The following CYP4F3 variants were observed in gnomAD, a reference collection of about 807,000 sequenced individuals.
CYP4F3 encodes the protein cytochrome P450 family 4 subfamily F member 3.
Under a neutral mutation model 54.8 loss-of-function variants are expected in CYP4F3, and 50 were observed. That is an observed-to-expected ratio of 0.91 (90% CI 0.73 to 1.16). CYP4F3 has a LOEUF of 1.16. Among genes scored for constraint, CYP4F3 ranks in the 50% most tolerant of loss-of-function variants. The probability of loss-of-function intolerance (pLI) is 0.00; values close to 1 mark genes in which losing one functional copy is unlikely to be tolerated. For synonymous variants in CYP4F3, 244 were observed against 262.6 expected, an observed-to-expected ratio of 0.93 and a Z score of 0.69; for missense variants, 715 against 676.2, an observed-to-expected ratio of 1.06 and a Z score of -0.64.
At position 15,645,961 on chromosome 19, in the gene CYP4F3, T is replaced by C. The variant is rs1402989913; in HGVS notation, c.343+98T>C. 8 of 1,428,882 alleles carry C rather than the reference T, an allele frequency of 5.6e-6. No individual in the cohort carries two copies. The East Asian group carries it at 1.2e-4, about 22-fold the overall frequency. The allele number at this position is 1,428,882 out of a possible 1,614,324, so 88.5% of individuals were successfully genotyped here. ...CTGCCTCCAGCGGGTCGCGTGCCCA[T>C]GTGCAGACAGGAGGGGCTGTGGTGG... On this transcript the variant is annotated intron_variant, in intron 3 of 12. Coordinates refer to ENST00000221307, the MANE Select transcript of CYP4F3 (RefSeq NM_000896.3).
intron 5 of CYP4F3, among the ~76,000 whole-genome samples, chr19:15,648,917 G>A (rs1397743557): frequency 6.6e-6 from 1 of 152,156 alleles, no homozygotes; most frequent in East Asian, 1.9e-4. Context: ...TTGACTAATG[G>A]CACACAGAGC....
intron 2 of CYP4F3, among the ~76,000 whole-genome samples, chr19:15,644,674 T>A (rs1972573460): frequency 6.6e-6 from 1 of 152,222 alleles, no homozygotes; most frequent in African/African-American, 2.4e-5. Context: ...TTTTACCCCA[T>A]CCTGTAGTTT....
Position 15,647,324 on chromosome 19 carries a change from T to C in CYP4F3, c.525T>C (p.His175=), listed in dbSNP as rs143012550. 66 of 1,614,068 alleles carry C rather than the reference T, an allele frequency of 4.1e-5. No individual in the cohort carries two copies. Among genetic ancestry groups the C allele is most frequent in the Admixed American group, 5.0e-5 (3 of 60,010 alleles). The change falls in exon 5 of 13, where the codon CAT becomes CAC. Residue 175 remains histidine (H), a splice_region_variant and synonymous_variant. Coordinates refer to ENST00000221307, the MANE Select transcript of CYP4F3 (RefSeq NM_000896.3). ...KIFNESVNIM[H]AKWQLLASEG... is the part of the protein sequence containing the mutation. ...TCAATGAGAGTGTGAACATCATGCATGTGAGTTATTTGAAGCCAAGGTCCC... is the reference window on the plus strand; with the variant it reads ...TCAATGAGAGTGTGAACATCATGCACGTGAGTTATTTGAAGCCAAGGTCCC...
At position 15,662,270 on chromosome 19, in the gene CYP4F3, CTCAAAAAAAAAAA is replaced by C. The variant is rs1973197213; in HGVS notation, c.*2886_*2898del. The C allele has an allele frequency of 2.0e-5, 1 of 50,312 alleles. No homozygotes were observed. The highest frequency in any genetic ancestry group is 1.3e-3 in the East Asian group (1 of 758). 3.1% of individuals were successfully genotyped at this position (50,312 alleles called of 1,614,324 possible). A position where few individuals can be genotyped will look rare whatever the true frequency, so the allele number is the denominator to read the frequency against. ...TGGGTGAAAGAGCTAGATTCTCTCT[CTCAAAAAAAAAAA>C]AAAAAAAAAGGAAAGAAAGAAAGAA... is the stretch of plus-strand genomic sequence containing the variant. On this transcript the variant is annotated 3_prime_UTR_variant, in exon 13 of 13. Transcript: ENST00000221307.
chr19:15,659,586 T>C lies in CYP4F3; in HGVS notation c.*201T>C. The C allele has an allele frequency of 1.0e-6, 1 of 971,460 alleles. No homozygotes were observed. Among genetic ancestry groups the C allele is most frequent in the East Asian group, 2.8e-5 (1 of 36,000 alleles). 60.2% of individuals were successfully genotyped at this position (971,460 alleles called of 1,614,324 possible). ...AGCCCTATTCACAGTAGCCAAACGA[T>C]GAAAACAACCCCAAGCTATATATTA... On this transcript the variant is annotated 3_prime_UTR_variant, in exon 13 of 13. Transcript: ENST00000221307.
chr19:15,647,780 T>C (rs1972674476), intron 5 of CYP4F3, among the ~76,000 whole-genome samples: 1 of 152,234 alleles, frequency 6.6e-6, no homozygotes, highest in Non-Finnish European at 1.5e-5. Context: ...TGGTGTTGGC[T>C]GAGTTCTCTC....
At chr19:15,642,185 C>A (rs959564211) in intron 2 of CYP4F3, among the ~76,000 whole-genome samples, 1 of 152,230 alleles carries the variant, frequency 6.6e-6, no homozygotes, top group Non-Finnish European at 1.5e-5. Flanking sequence ...TTCTCCTCCC[C>A]CAGACCTTGC....
intron 9 of CYP4F3, among the ~76,000 whole-genome samples, chr19:15,654,153 C>T (rs1319506421): frequency 6.6e-6 from 1 of 152,106 alleles, no homozygotes; most frequent in Non-Finnish European, 1.5e-5. Context: ...CCCGTCCATG[C>T]CTTTGCCCAG....
intron 6 of CYP4F3, among the ~76,000 whole-genome samples, chr19:15,649,633 A>G (rs1972728230): frequency 6.6e-6 from 1 of 152,116 alleles, no homozygotes; most frequent in South Asian, 2.1e-4. Context: ...AAGGGGCAAG[A>G]CTGTATACTG....
chr19:15,648,558 C>G (rs1568395628), intron 5 of CYP4F3, among the ~76,000 whole-genome samples: 1 of 152,064 alleles, frequency 6.6e-6, no homozygotes, highest in Non-Finnish European at 1.5e-5. Flanking sequence ...CTCTACAAAC[C>G]TAGGATATTT....
chr19:15,652,768 C>T, intron 8 of CYP4F3, 55 bp from the exon 9 acceptor site: 1 of 1,600,592 alleles, frequency 6.2e-7, no homozygotes, highest in Non-Finnish European at 8.5e-7. Flanking sequence ...GGTTGCTGTA[C>T]ACCCTCGGGT....
chr19:15,653,615 G>A (rs965196250), intron 9 of CYP4F3, among the ~76,000 whole-genome samples: 1 of 152,098 alleles, frequency 6.6e-6, no homozygotes, highest in Non-Finnish European at 1.5e-5. Flanking sequence ...GACTAGGGGG[G>A]TATAGAAAGT....
chr19:15,656,305 C>T (rs1973009069), intron 9 of CYP4F3, among the ~76,000 whole-genome samples: 1 of 149,490 alleles, frequency 6.7e-6, no homozygotes, highest in Non-Finnish European at 1.5e-5. Context: ...TATATATACA[C>T]CACATGGAAA....
chr19:15,655,721 C>CT (rs1460262849), intron 9 of CYP4F3, among the ~76,000 whole-genome samples: 1 of 152,174 alleles, frequency 6.6e-6, no homozygotes, highest in Non-Finnish European at 1.5e-5. Context: ...CATATTATCT[C>CT]TGAGATCTTT....
chr19:15,652,405 C>G (rs1056186992), intron 7 of CYP4F3, among the ~76,000 whole-genome samples, 164 bp from the exon 8 acceptor site: 1 of 152,070 alleles, frequency 6.6e-6, no homozygotes, highest in Non-Finnish European at 1.5e-5. Context: ...GGGGTTGGGG[C>G]TCTGGCCATG....
At position 15,659,465 on chromosome 19, in the gene CYP4F3, C is replaced by T. The variant is rs1338717661; in HGVS notation, c.*80C>T. On this transcript the variant is annotated 3_prime_UTR_variant, in exon 13 of 13. Transcript: ENST00000221307. ...TGAGGCCTAGAATTACCCTAAGACC[C>T]TGTTCCACAGTCCTGTATTCCATCC... is the stretch of plus-strand genomic sequence containing the variant. 6 of 1,543,414 alleles carry T rather than the reference C, an allele frequency of 3.9e-6. No individual in the cohort carries two copies. Among genetic ancestry groups the T allele is most frequent in the Non-Finnish European group, 5.3e-6 (6 of 1,142,112 alleles).
intron 3 of CYP4F3, among the ~76,000 whole-genome samples, chr19:15,646,228 G>T (rs1337044235): frequency 6.6e-6 from 1 of 152,192 alleles, no homozygotes; most frequent in East Asian, 1.9e-4. Flanking sequence ...TGGAGTTCAT[G>T]TGTGGCCAAG....
intron 2 of CYP4F3, chr19:15,644,152 CTCCTT>C (rs1972557485): frequency 7.5e-7 from 1 of 1,333,636 alleles, no homozygotes; most frequent in Non-Finnish European, 9.8e-7. Flanking sequence ...ACTCTGGTCT[CTCCTT>C]TCCTTCTCTC....
Position 15,647,281 on chromosome 19 carries a change from A to T in CYP4F3, c.482A>T (p.Lys161Met). The change falls in exon 5 of 13, where the codon AAG becomes ATG. Residue 161 changes from lysine (K) to methionine (M), a missense_variant. Coordinates refer to ENST00000221307, the MANE Select transcript of CYP4F3 (RefSeq NM_000896.3). The stretch of plus-strand genomic sequence containing the variant: ...CCTGCCTTCCATTTCAACATCCTGA[A>T]GCCCTATATGAAGATTTTCAATGAG... ...LTPAFHFNIL[K>M]PYMKIFNESV... 6.2e-7 allele frequency: 1 copy of T among 1,614,216 alleles called. No individual in the cohort carries two copies. The highest frequency in any genetic ancestry group is 8.5e-7 in the Non-Finnish European group (1 of 1,180,042).
Sources: allele counts gnomAD v4.1 joint callset (sites outside exome capture counted in the v4.1 genomes callset), GRCh38; gene constraint gnomAD v4.1.1; transcripts MANE v1.5; gene names NCBI Gene and HGNC (gene_info 2026-07-23, HGNC 2026-07-21).